Variants in MGA observed in about 807,000 individuals in gnomAD.
The protein encoded by MGA is MAX gene-associated protein.
A neutral mutation model predicts 261.1 loss-of-function variants in MGA; 40 were observed. That is an observed-to-expected ratio of 0.15 (90% CI 0.12 to 0.20). The LOEUF is 0.20. Among genes scored for constraint, MGA ranks in the 10% least tolerant of loss-of-function variants. The probability of loss-of-function intolerance (pLI) is 1.00; values close to 1 mark genes in which losing one functional copy is unlikely to be tolerated. For synonymous variants in MGA, 1,302 were observed against 1,290.6 expected (o/e 1.01, Z -0.19); for missense variants, 3,397 against 3,630.5 (o/e 0.94, Z 1.65).
intron 1 of MGA, among the ~76,000 whole-genome samples, chr15:41,640,754 C>T (rs766014334): frequency 4.6e-5 from 7 of 152,244 alleles, no homozygotes; most frequent in African/African-American, 9.6e-5. Flanking sequence ...CCTGACCTCA[C>T]GATCTGCCCA....
intron 1 of MGA, among the ~76,000 whole-genome samples, chr15:41,647,745 A>G (rs1459447806): frequency 7.3e-6 from 1 of 137,444 alleles, no homozygotes. Flanking sequence ...GTATTTAGCT[A>G]AGGTTCACCT....
At chr15:41,727,495 G>T in intron 10 of MGA, 89 bp downstream of exon 10, 1 of 1,274,000 alleles carries the variant, frequency 7.8e-7, no homozygotes, top group Non-Finnish European at 1.1e-6. Flanking sequence ...TTGATATTTT[G>T]TGAATCATTT....
chr15:41,652,699 A>C (rs2057091575), intron 1 of MGA, among the ~76,000 whole-genome samples: 1 of 151,944 alleles, frequency 6.6e-6, no homozygotes, highest in Non-Finnish European at 1.5e-5. Flanking sequence ...GTTTTTCTAC[A>C]CTACCAACTA....
chr15:41,631,888 CT>C lies in MGA; in HGVS notation c.-68+10599del, dbSNP rs200387626. ...AGCGTGTTGATATGCTTCTATGTTTCTTTTTTTTTAAATGGCAAGTGTTGTT... is the reference window on the plus strand; with the variant it reads ...AGCGTGTTGATATGCTTCTATGTTTCTTTTTTTTAAATGGCAAGTGTTGTT... On this transcript the variant is annotated intron_variant, in intron 1 of 8. Coordinates refer to the MGA transcript ENST00000566718. Among the ~76,000 whole-genome samples, 109 of 151,090 alleles carry C rather than the reference CT, an allele frequency of 7.2e-4. 2 individuals are homozygous for C. In the East Asian group the frequency reaches 0.019, roughly 26 times the overall value.
At chr15:41,754,650 G>A in intron 18 of MGA, 83 bp downstream of exon 18, 2 of 1,386,848 alleles carry the variant, frequency 1.4e-6, no homozygotes, top group South Asian at 1.7e-5. Flanking sequence ...AGGAGCTCTG[G>A]GTAACTCATC....
At chr15:41,730,879 T>C (rs1396825345) in intron 11 of MGA, among the ~76,000 whole-genome samples, 1 of 152,336 alleles carries the variant, frequency 6.6e-6, no homozygotes, top group East Asian at 1.9e-4. Context: ...ATCTGTAATA[T>C]TCCAATGCTG....
upstream of MGA, among the ~76,000 whole-genome samples, chr15:41,656,338 C>CT (rs1325877106): frequency 5.9e-4 from 32 of 54,626 alleles, no homozygotes; most frequent in Admixed American, 2.2e-3. Context: ...CTCTCCCTCT[C>CT]CTCTCTTCTC....
At chr15:41,670,986 C>T (rs2150967114) in intron 2 of MGA, among the ~76,000 whole-genome samples, 1 of 152,232 alleles carries the variant, frequency 6.6e-6, no homozygotes, top group East Asian at 1.9e-4. Flanking sequence ...CGTTATTTTT[C>T]TTCCCTTCTT....
Position 41,743,042 on chromosome 15 carries a change from T to G in MGA, c.5082T>G (p.Ala1694=). The change falls in exon 15 of 24, where the codon GCT becomes GCG. Residue 1694 remains alanine, a synonymous_variant. Transcript: ENST00000219905. ...TAACTCTTCCTGTTGCTTCCACTGC[T>G]TCCACCTCCTTAGTCGTGGTGACTG... The G allele has an allele frequency of 4.3e-6, 7 of 1,614,004 alleles. No homozygotes were observed. The highest frequency in any genetic ancestry group is 5.9e-6 in the Non-Finnish European group (7 of 1,179,890).
At chr15:41,654,512 G>A (rs1022594383) in intron 1 of MGA, among the ~76,000 whole-genome samples, 34 of 152,130 alleles carry the variant, frequency 2.2e-4, no homozygotes, top group African/African-American at 6.8e-4. Context: ...GAATTCCTGC[G>A]TTGATCACCA....
At position 41,749,651 on chromosome 15, in the gene MGA, C is replaced by T. The variant is rs781153927; in HGVS notation, c.6044C>T (p.Ala2015Val). 2 of 1,614,006 alleles carry T rather than the reference C, an allele frequency of 1.2e-6. No individual in the cohort carries two copies. Among genetic ancestry groups the T allele is most frequent in the Non-Finnish European group, 1.7e-6 (2 of 1,179,898 alleles). ...GTAATAAAACAAAACTCAGGAGCTG[C>T]TACCTCAGAAGAAACTCTGAATGAT... Residue 2015 changes from alanine to valine, a missense_variant, in exon 17 of 24, where the codon GCT becomes GTT. By Grantham distance (64) the Ala-to-Val change is moderately conservative. This residue lies in a region of MGA where 1,410 missense variants were observed against 1,386.4 expected (regional missense o/e 1.02). Transcript: ENST00000219905.
At chr15:41,720,065 G>A (rs1306413312) in intron 9 of MGA, among the ~76,000 whole-genome samples, 1 of 152,106 alleles carries the variant, frequency 6.6e-6, no homozygotes, top group African/African-American at 2.4e-5. Context: ...TGTGAAACAT[G>A]AAAAGCAGAA....
At chr15:41,696,012 C>G in intron 2 of MGA, 63 bp from the exon 3 acceptor site, 1 of 1,077,554 alleles carries the variant, frequency 9.3e-7, no homozygotes, top group Non-Finnish European at 1.3e-6. Flanking sequence ...TTTTTTTTCT[C>G]TTCAAGTCTT....
chr15:41,703,840 T>G (rs1211964822), intron 5 of MGA, among the ~76,000 whole-genome samples: 2 of 152,210 alleles, frequency 1.3e-5, no homozygotes, highest in Non-Finnish European at 2.9e-5. Flanking sequence ...GGGTCTCGCT[T>G]TGTCACCCAG....
chr15:41,736,167 T>C lies in MGA; in HGVS notation c.3917-14T>C. On this transcript the variant is annotated splice_polypyrimidine_tract_variant and intron_variant, in intron 12 of 23. Transcript: ENST00000219905. ...TCTTTCAACTTTTTCTTTTTTATTA[T>C]TATTTTACATCAGAAAAGAGCTGGA... is the stretch of plus-strand genomic sequence containing the variant. 2 of 1,497,540 alleles carry C rather than the reference T, an allele frequency of 1.3e-6. No individual in the cohort carries two copies. The highest frequency in any genetic ancestry group is 2.0e-4 in the Middle Eastern group (1 of 4,932). 92.8% of individuals were successfully genotyped at this position (1,497,540 alleles called of 1,614,324 possible). A position where few individuals can be genotyped will look rare whatever the true frequency, so the allele number is the denominator to read the frequency against.
At chr15:41,622,218 G>A (rs2056317337) in intron 1 of MGA, among the ~76,000 whole-genome samples, 1 of 152,152 alleles carries the variant, frequency 6.6e-6, no homozygotes, top group Non-Finnish European at 1.5e-5. Flanking sequence ...TCGGAGGCCT[G>A]GGGTCCAGGC....
chr15:41,651,759 C>T (rs1264882685), intron 1 of MGA, among the ~76,000 whole-genome samples: 3 of 50,200 alleles, frequency 6.0e-5, no homozygotes, highest in African/African-American at 2.2e-4. Flanking sequence ...TCCCCTCCTC[C>T]TCTCCCCTCC....
rs1464135310 is a variant in MGA, at chr15:41,762,225, A to T, written c.7607A>T (p.Asp2536Val). ...AAAAGAAAAAAGAAGATGGGATCAG[A>T]TGAGTTTGACATATCTCCCAGAATT... Residue 2536 changes from aspartate to valine, a missense_variant, in exon 22 of 24, where the codon GAT becomes GTT. Around this residue, in one of 9 missense-constraint regions of MGA, gnomAD observed 647 missense variants for 642.4 expected, o/e 1.01. Coordinates refer to ENST00000219905, the MANE Select transcript of MGA (RefSeq NM_001164273.2). The T allele has an allele frequency of 1.2e-6, 2 of 1,614,004 alleles. No individual in the cohort carries two copies.
chr15:41,742,837 C>A lies in MGA; in HGVS notation c.4877C>A (p.Thr1626Asn), dbSNP rs763278508. The A allele has an allele frequency of 1.4e-5, 22 of 1,613,846 alleles. No individual in the cohort carries two copies. Among genetic ancestry groups the A allele is most frequent in the African/African-American group, 2.7e-5 (2 of 74,910 alleles). ...ATTTCTGACGTGGAAACTAAAGAAACTACTTATTCTTCTGGTGCCACCACT... is the reference window on the plus strand; with the variant it reads ...ATTTCTGACGTGGAAACTAAAGAAAATACTTATTCTTCTGGTGCCACCACT... The change falls in exon 15 of 24, where the codon ACT (threonine) becomes AAT (asparagine). Residue 1626 changes from threonine (T) to asparagine (N), a missense_variant. Around this residue, in one of 9 missense-constraint regions of MGA, gnomAD observed 1,410 missense variants for 1,386.4 expected, o/e 1.02. Coordinates refer to ENST00000219905, the MANE Select transcript of MGA (RefSeq NM_001164273.2).
Sources: gnomAD v4.1 joint callset for allele counts (sites outside exome capture counted in the v4.1 genomes callset) on GRCh38, gnomAD v4.1.1 for gene constraint, gnomAD v4.1.1 regional missense constraint, MANE v1.5 for transcripts, NCBI Gene and HGNC (gene_info 2026-07-23, HGNC 2026-07-21) for gene names.